MCTP1: variants seen among roughly 807,000 people sequenced by gnomAD.
MCTP1 encodes the protein multiple C2 and transmembrane domain-containing protein 1.
In MCTP1, 69 loss-of-function variants were observed where a neutral mutation model predicts 120.6. The ratio of observed to expected loss-of-function variants is 0.57; its 90% CI spans 0.47 to 0.70. MCTP1 has a LOEUF of 0.70. Among genes scored for constraint, MCTP1 ranks in the 30% least tolerant of loss-of-function variants. The pLI is 0.00. For synonymous variants in MCTP1, 529 were observed against 493.1 expected, an observed-to-expected ratio of 1.07 and a Z score of -0.96; for missense variants, 1,203 against 1,248.8, an observed-to-expected ratio of 0.96 and a Z score of 0.55.
At chr5:94,967,492 G>C (rs1031097267) in intron 2 of MCTP1, among the ~76,000 whole-genome samples, 3 of 152,208 alleles carry the variant, frequency 2.0e-5, no homozygotes, top group Admixed American at 1.3e-4. Context: ...ACACTAGGCT[G>C]TCTCCAAACA....
intron 2 of MCTP1, among the ~76,000 whole-genome samples, chr5:94,968,487 A>G (rs772762611): frequency 6.6e-6 from 1 of 152,174 alleles, no homozygotes; most frequent in Non-Finnish European, 1.5e-5. Flanking sequence ...AGATTATATT[A>G]TTATTGACTT....
chr5:95,266,236 C>CTCAAG (rs1210115619), intron 1 of MCTP1, among the ~76,000 whole-genome samples: 5 of 152,170 alleles, frequency 3.3e-5, no homozygotes, highest in African/African-American at 4.8e-5. Flanking sequence ...ATTTCAGAGA[C>CTCAAG]TCAAGTTTTA....
At chr5:94,792,070 C>G (rs1330684683) in intron 18 of MCTP1, 1 of 152,448 alleles carries the variant, frequency 6.6e-6, no homozygotes, top group Non-Finnish European at 1.5e-5. Flanking sequence ...TCTTTGCCAG[C>G]CCCCTGCAGC....
intron 19 of MCTP1, among the ~76,000 whole-genome samples, chr5:94,729,298 T>A (rs1010430970): frequency 2.0e-5 from 3 of 152,142 alleles, no homozygotes; most frequent in Non-Finnish European, 4.4e-5. Flanking sequence ...GAAGCCCAGA[T>A]GATGGTCACA....
chr5:95,003,751 C>T (rs62364696), intron 2 of MCTP1, among the ~76,000 whole-genome samples: 27,023 of 152,078 alleles, frequency 0.18, 2,532 homozygotes, highest in East Asian at 0.31. Context: ...CTGCAGACCA[C>T]GAGCTGATTA....
intron 1 of MCTP1, among the ~76,000 whole-genome samples, chr5:95,071,716 T>G (rs921565479): frequency 3.3e-5 from 5 of 152,108 alleles, no homozygotes; most frequent in Admixed American, 2.0e-4. Flanking sequence ...AACATAGAGA[T>G]GTTGTAGATT....
chr5:95,213,216 G>A (rs912674938), intron 1 of MCTP1, among the ~76,000 whole-genome samples: 6 of 152,002 alleles, frequency 3.9e-5, no homozygotes, highest in African/African-American at 9.6e-5. Flanking sequence ...TTATACACCA[G>A]TAACAGACAA....
intron 18 of MCTP1, among the ~76,000 whole-genome samples, chr5:94,784,181 C>T (rs1173504097): frequency 6.6e-6 from 1 of 152,026 alleles, no homozygotes; most frequent in Non-Finnish European, 1.5e-5. Context: ...GGATACGTTG[C>T]AAACTAAATG....
intron 18 of MCTP1, among the ~76,000 whole-genome samples, chr5:94,780,242 G>A (rs906659776): frequency 7.3e-6 from 1 of 137,022 alleles, no homozygotes; most frequent in African/African-American, 2.7e-5. Context: ...AGAGGACAGA[G>A]ACACCTAGCC....
chr5:94,804,534 G>C (rs700571), intron 17 of MCTP1, among the ~76,000 whole-genome samples: 1 of 151,918 alleles, frequency 6.6e-6, no homozygotes, highest in South Asian at 2.1e-4. Context: ...TGCCTCCCAG[G>C]TTCATGCCAT....
At chr5:95,172,006 T>C (rs960863516) in intron 1 of MCTP1, among the ~76,000 whole-genome samples, 12 of 152,220 alleles carry the variant, frequency 7.9e-5, no homozygotes, top group Non-Finnish European at 8.8e-5. Context: ...AAATTTCAGC[T>C]TTTCTGCTCT....
chr5:94,936,672 C>A (rs1158600645), intron 5 of MCTP1, among the ~76,000 whole-genome samples: 1 of 151,988 alleles, frequency 6.6e-6, no homozygotes, highest in African/African-American at 2.4e-5. Flanking sequence ...ACCTAATAAC[C>A]AGTGTTGGTA....
intron 17 of MCTP1, among the ~76,000 whole-genome samples, chr5:94,817,411 C>T (rs1444541621): frequency 1.2e-5 from 1 of 85,760 alleles, no homozygotes; most frequent in Non-Finnish European, 2.4e-5. Flanking sequence ...TGTCTCAAAA[C>T]AAACAAACAA....
chr5:95,095,006 A>ATTTTTTTTTTTT (rs756132693), intron 1 of MCTP1, among the ~76,000 whole-genome samples: 8 of 36,962 alleles, frequency 2.2e-4, no homozygotes, highest in African/African-American at 9.9e-4. Context: ...GTTATGTTAG[A>ATTTTTTTTTTTT]TTTTTTTTTT....
At chr5:95,093,423 T>C (rs1303771696) in intron 1 of MCTP1, among the ~76,000 whole-genome samples, 1 of 152,184 alleles carries the variant, frequency 6.6e-6, no homozygotes, top group Non-Finnish European at 1.5e-5. Context: ...TTGCCTGTTG[T>C]GCCACTGAAA....
intron 1 of MCTP1, among the ~76,000 whole-genome samples, chr5:95,078,859 A>G (rs77272660): frequency 0.012 from 1,819 of 152,278 alleles, 19 homozygotes; most frequent in Non-Finnish European, 0.021. Context: ...ACCCATACCT[A>G]ATAAAGTTGC....
intron 19 of MCTP1, among the ~76,000 whole-genome samples, chr5:94,734,091 T>C (rs892356128): frequency 3.3e-5 from 5 of 152,202 alleles, no homozygotes; most frequent in African/African-American, 1.2e-4. Flanking sequence ...GTAATTAACA[T>C]TGAAATTATC....
intron 7 of MCTP1, among the ~76,000 whole-genome samples, chr5:94,918,302 G>T (rs1270782689): frequency 2.0e-5 from 3 of 152,128 alleles, no homozygotes; most frequent in African/African-American, 7.2e-5. Flanking sequence ...TATAGCAAGA[G>T]AAATCATGGA....
At chr5:94,708,658 G>A (rs748319263) in intron 21 of MCTP1, 49 bp from the exon 22 acceptor site, 3 of 1,221,078 alleles carry the variant, frequency 2.5e-6, no homozygotes, top group Admixed American at 1.7e-5. Context: ...CAAAAGTGTT[G>A]TAGTAATTTG....
Sources: allele counts gnomAD v4.1 joint callset (sites outside exome capture counted in the v4.1 genomes callset), GRCh38; gene constraint gnomAD v4.1.1; transcripts MANE v1.5; gene names NCBI Gene and HGNC (gene_info 2026-07-23, HGNC 2026-07-21).